Variants in SP3 observed in about 807,000 individuals in gnomAD.
The protein encoded by SP3 is Sp3 transcription factor, also known as transcription factor Sp3.
A neutral mutation model predicts 70.3 loss-of-function variants in SP3; 10 were observed. The ratio of observed to expected loss-of-function variants is 0.14; its 90% CI spans 0.09 to 0.24. The LOEUF (loss-of-function observed/expected upper bound fraction) is 0.24. Ranked by LOEUF, SP3 falls within the 10% of genes least tolerant of loss-of-function variation. The pLI, the probability that SP3 is intolerant of heterozygous loss-of-function variation, is 1.00. For synonymous variants in SP3, 402 were observed against 333.5 expected (o/e 1.21, Z -2.24); for missense variants, 825 against 914.6 (o/e 0.90, Z 1.26).
chr2:173,948,960 C>T (rs981150660), intron 4 of SP3, among the ~76,000 whole-genome samples: 1 of 152,076 alleles, frequency 6.6e-6, no homozygotes, highest in African/African-American at 2.4e-5. Context: ...AATAAACCAT[C>T]CTCAGGTTAT....
At chr2:173,930,597 G>A (rs773145041) in intron 4 of SP3, among the ~76,000 whole-genome samples, 1 of 152,080 alleles carries the variant, frequency 6.6e-6, no homozygotes, top group African/African-American at 2.4e-5. Context: ...TTCCAACCTT[G>A]TCCCAAAAGC....
chr2:173,965,031 C>T (rs983199916), intron 1 of SP3, 134 bp downstream of exon 1: 5 of 1,205,110 alleles, frequency 4.1e-6, no homozygotes, highest in African/African-American at 1.6e-5. Flanking sequence ...CAGGGGAGTG[C>T]AGCTTTCTGC....
In SP3 at chr2:173,965,304, C is replaced by G. The variant is rs1201366233; in HGVS notation, c.-133G>C. On this transcript the variant is annotated 5_prime_UTR_variant, in exon 1 of 7. Coordinates refer to ENST00000310015, the MANE Select transcript of SP3 (RefSeq NM_003111.5). ...GGAGCGGTCCGGGGATTTTTTTTTC[C>G]TATTTTGATTGACTGTGCGGGAAAC... 9.3e-7 allele frequency: 1 copy of G among 1,078,488 alleles called. No homozygotes were observed. The highest frequency in any genetic ancestry group is 1.4e-6 in the Non-Finnish European group (1 of 735,910). 66.8% of individuals were successfully genotyped at this position (1,078,488 alleles called of 1,614,324 possible). A position where few individuals can be genotyped will look rare whatever the true frequency, so the allele number is the denominator to read the frequency against.
chr2:173,930,290 T>A (rs950515554), intron 4 of SP3, among the ~76,000 whole-genome samples: 1 of 152,154 alleles, frequency 6.6e-6, no homozygotes, highest in Non-Finnish European at 1.5e-5. Context: ...AAGAAGCAAC[T>A]ACTGGTCAGG....
At chr2:173,915,134 T>A (rs553355779) in intron 5 of SP3, 9 of 152,152 alleles carry the variant, frequency 5.9e-5, no homozygotes, top group African/African-American at 2.2e-4. Context: ...CAGCAACAGA[T>A]CTGGGTTCTC....
intron 4 of SP3, among the ~76,000 whole-genome samples, chr2:173,940,422 C>T (rs1176508657): frequency 6.6e-6 from 1 of 152,152 alleles, no homozygotes; most frequent in Non-Finnish European, 1.5e-5. Flanking sequence ...TGACAGGAGG[C>T]GGAGCTCAGC....
intron 3 of SP3, among the ~76,000 whole-genome samples, chr2:173,957,140 T>G (rs761915619): frequency 6.6e-6 from 1 of 152,164 alleles, no homozygotes; most frequent in Non-Finnish European, 1.5e-5. Context: ...CACTACCTAA[T>G]TTTCATGAAG....
At chr2:173,950,023 C>T (rs563373611) in intron 4 of SP3, among the ~76,000 whole-genome samples, 3 of 152,026 alleles carry the variant, frequency 2.0e-5, no homozygotes, top group Non-Finnish European at 4.4e-5. Flanking sequence ...TATACAGCAA[C>T]GATAAAGTAA....
At position 173,903,361 on chromosome 2, in the gene SP3, T is replaced by G. The variant is rs953388486; in HGVS notation, c.*6580A>C. Reference sequence around the variant, plus strand: ...GAAAGGTAAAGAGTGAAAGGTCACATAGGTGGTAAGCGGCAGAACTGGGAG... The same window carrying G: ...GAAAGGTAAAGAGTGAAAGGTCACAGAGGTGGTAAGCGGCAGAACTGGGAG... On this transcript the variant is annotated 3_prime_UTR_variant, in exon 7 of 7. Coordinates refer to ENST00000310015, the MANE Select transcript of SP3 (RefSeq NM_003111.5). Among the ~76,000 whole-genome samples, 2 of 152,196 alleles carry G rather than the reference T, an allele frequency of 1.3e-5. No individual in the cohort carries two copies. Among genetic ancestry groups the G allele is most frequent in the Admixed American group, 1.3e-4 (2 of 15,284 alleles).
At chr2:173,936,389 T>C (rs1348407484) in intron 4 of SP3, among the ~76,000 whole-genome samples, 3 of 152,200 alleles carry the variant, frequency 2.0e-5, no homozygotes, top group Admixed American at 1.3e-4. Flanking sequence ...CTTCCAAGCA[T>C]TGATTTATTC....
Position 173,963,886 on chromosome 2 carries a change from A to AC in SP3, c.157-4dup, listed in dbSNP as rs763188145. 4 of 1,496,112 alleles carry AC rather than the reference A, an allele frequency of 2.7e-6. No homozygotes were observed. Among genetic ancestry groups the AC allele is most frequent in the Non-Finnish European group, 3.6e-6 (4 of 1,120,564 alleles). The allele number at this position is 1,496,112 out of a possible 1,614,324, so 92.7% of individuals were successfully genotyped here. Reference sequence around the variant, plus strand: ...GCGAGCGGTGACGGCTGAGTGTCCTACCCCCAATGGGCGGGTTCAGAGAGG... The same window carrying AC: ...GCGAGCGGTGACGGCTGAGTGTCCTACCCCCCAATGGGCGGGTTCAGAGAGG... On this transcript the variant is annotated splice_region_variant and splice_polypyrimidine_tract_variant and intron_variant, in intron 2 of 6. Coordinates refer to ENST00000310015, the MANE Select transcript of SP3 (RefSeq NM_003111.5).
At chr2:173,938,063 C>G (rs1690258356) in intron 4 of SP3, among the ~76,000 whole-genome samples, 1 of 152,120 alleles carries the variant, frequency 6.6e-6, no homozygotes, top group African/African-American at 2.4e-5. Flanking sequence ...AGTTTCTTCC[C>G]CCACAGGTTT....
chr2:173,906,087 A>G lies in SP3; in HGVS notation c.*3854T>C, dbSNP rs1689311937. On this transcript the variant is annotated 3_prime_UTR_variant, in exon 7 of 7. Transcript: ENST00000310015. ...CAAAAAGACTAGGAATCACTGACAA[A>G]AAAAATTCTTCTCTTTTGCAATTTG... 6.6e-6 allele frequency among the ~76,000 whole-genome samples: 1 copy of G among 152,158 alleles called. No individual in the cohort carries two copies. The highest frequency in any genetic ancestry group is 2.4e-5 in the African/African-American group (1 of 41,436).
At position 173,933,638 on chromosome 2, in the gene SP3, T is replaced by TCATA. The variant is rs71405167; in HGVS notation, c.1640-14854_1640-14853insTATG. On this transcript the variant is annotated intron_variant, in intron 4 of 6. Coordinates refer to ENST00000310015, the MANE Select transcript of SP3 (RefSeq NM_003111.5). The stretch of plus-strand genomic sequence containing the variant: ...ACAAATGACTAACATTTATAAAACT[T>TCATA]TATATATATATATATATATATATAT... Among the ~76,000 whole-genome samples the TCATA allele has an allele frequency of 1.5e-3, 128 of 86,554 alleles. 4 individuals carry two copies. The East Asian group carries it at 0.036, about 24-fold the overall frequency. The allele number at this position is 86,554 out of a possible 152,430, so 56.8% of individuals were successfully genotyped here.
rs1689428311 is a variant in SP3 at position 173,909,867 on chromosome 2, C to A, written c.*74G>T. ...TTTTTGCACATCAATAAAAAGATATCTAAGAACTTAGGAACAATATTCTTC... is the reference window on the plus strand; with the variant it reads ...TTTTTGCACATCAATAAAAAGATATATAAGAACTTAGGAACAATATTCTTC... On this transcript the variant is annotated 3_prime_UTR_variant, in exon 7 of 7. Transcript: ENST00000310015. The A allele has an allele frequency of 2.7e-5, 40 of 1,462,106 alleles. No individual in the cohort carries two copies. Among genetic ancestry groups the A allele is most frequent in the Non-Finnish European group, 3.6e-5 (39 of 1,077,506 alleles). The allele number at this position is 1,462,106 out of a possible 1,614,324, so 90.6% of individuals were successfully genotyped here.
At chr2:173,933,256 T>A (rs1404324656) in intron 4 of SP3, among the ~76,000 whole-genome samples, 1 of 152,156 alleles carries the variant, frequency 6.6e-6, no homozygotes, top group African/African-American at 2.4e-5. Flanking sequence ...TTACATTCTA[T>A]TTTTTATACT....
intron 4 of SP3, among the ~76,000 whole-genome samples, chr2:173,943,367 A>C (rs1453249088): frequency 6.6e-6 from 1 of 152,188 alleles, no homozygotes; most frequent in Non-Finnish European, 1.5e-5. Flanking sequence ...TCAATGTGAC[A>C]GGCTCCTTTA....
At chr2:173,942,580 G>A (rs28589592) in intron 4 of SP3, among the ~76,000 whole-genome samples, 5,604 of 151,984 alleles carry the variant, frequency 0.037, 369 homozygotes, top group African/African-American at 0.13. Flanking sequence ...ATATTTCATC[G>A]AGTCATATCT....
chr2:173,904,528 T>C lies in SP3; in HGVS notation c.*5413A>G, dbSNP rs1689262481. ...CACTGGAACAAACACTGCCAAGTTA[T>C]CAGGAATCAAGAAAGCCATTTTCTT... On this transcript the variant is annotated 3_prime_UTR_variant, in exon 7 of 7. Coordinates refer to ENST00000310015, the MANE Select transcript of SP3 (RefSeq NM_003111.5). Among the ~76,000 whole-genome samples the C allele has an allele frequency of 6.6e-6, 1 of 152,226 alleles. No individual in the cohort carries two copies. Among genetic ancestry groups the C allele is most frequent in the South Asian group, 2.1e-4 (1 of 4,836 alleles).
Sources: gnomAD v4.1 joint callset for allele counts (sites outside exome capture counted in the v4.1 genomes callset) on GRCh38, gnomAD v4.1.1 for gene constraint, MANE v1.5 for transcripts, NCBI Gene and HGNC (gene_info 2026-07-23, HGNC 2026-07-21) for gene names.